The following CFAP161 variants were observed in gnomAD, a reference collection of about 807,000 sequenced individuals.
CFAP161 encodes cilia- and flagella-associated protein 161.
CFAP161 carries 25 observed loss-of-function variants against 29.0 expected under a neutral mutation model. That is an observed-to-expected ratio of 0.86 (90% CI 0.63 to 1.20). The LOEUF (loss-of-function observed/expected upper bound fraction) is 1.20, where lower values mean the gene tolerates loss of function less well. Among genes scored for constraint, CFAP161 ranks in the 50% most tolerant of loss-of-function variants. The pLI is 0.00. For missense variants in CFAP161, 367 were observed against 371.9 expected (o/e 0.99, Z 0.11); for synonymous variants, 116 against 137.4 (o/e 0.84, Z 1.09).
Position 81,148,358 on chromosome 15 carries a change from C to A in CFAP161, c.731C>A (p.Ala244Asp), listed in dbSNP as rs1167419179. ...LFLSTYFGKE[A>D]EVVAHTYLDS... The stretch of plus-strand genomic sequence containing the variant: ...TCCAGCACCTATTTTGGAAAGGAGG[C>A]TGAGGTTGTAGCTCACACATACCTG... Residue 244 changes from alanine to aspartate, a missense_variant, in exon 7 of 7, where the codon GCT becomes GAT. Coordinates refer to ENST00000286732, the MANE Select transcript of CFAP161 (RefSeq NM_173528.4). 6.2e-7 allele frequency: 1 copy of A among 1,611,922 alleles called. No homozygotes were observed. The highest frequency in any genetic ancestry group is 8.5e-7 in the Non-Finnish European group (1 of 1,178,164).
rs374112195 is a variant in CFAP161 at position 81,148,434 on chromosome 15, G to A, written c.807G>A (p.Gly269=). Reference sequence around the variant, plus strand: ...GGAACCACTGGATGTTGGTTACTGGGAATCCCAGGGATGCCTCGTCCTCCA... The same window carrying A: ...GGAACCACTGGATGTTGGTTACTGGAAATCCCAGGGATGCCTCGTCCTCCA... ...KPRNHWMLVT[G]NPRDASSSML... is the part of the protein sequence containing the mutation. Residue 269 remains glycine (G), a synonymous_variant, in exon 7 of 7, where the codon GGG becomes GGA. Transcript: ENST00000286732. 5.6e-6 allele frequency: 9 copies of A among 1,614,148 alleles called. No individual in the cohort carries two copies. Among genetic ancestry groups the A allele is most frequent in the Non-Finnish European group, 7.6e-6 (9 of 1,180,030 alleles).
intron 4 of CFAP161, among the ~76,000 whole-genome samples, chr15:81,141,053 T>C (rs1251907680): frequency 6.6e-6 from 1 of 152,234 alleles, no homozygotes; most frequent in East Asian, 1.9e-4. Flanking sequence ...ATAATGGTTA[T>C]TTTTTTCAAG....
intron 1 of CFAP161, among the ~76,000 whole-genome samples, chr15:81,122,525 C>G (rs1214647067): frequency 1.4e-5 from 2 of 140,662 alleles, no homozygotes; most frequent in Non-Finnish European, 3.1e-5. Flanking sequence ...GAATTTCACT[C>G]TTGTTGCCCA....
chr15:81,103,623 C>G (rs990258965), intron 1 of CFAP161, among the ~76,000 whole-genome samples: 2 of 152,228 alleles, frequency 1.3e-5, no homozygotes, highest in Non-Finnish European at 2.9e-5. Context: ...TCGCCATATG[C>G]ATTTCTTCAC....
At chr15:81,143,640 A>G (rs1485644679) in intron 4 of CFAP161, 22 bp from the exon 5 acceptor site, 11 of 1,603,830 alleles carry the variant, frequency 6.9e-6, no homozygotes, top group Middle Eastern at 1.7e-4. Flanking sequence ...GACTTAGTGC[A>G]TCTGCTTGCT....
At chr15:81,145,005 C>G (rs76484788) in intron 5 of CFAP161, among the ~76,000 whole-genome samples, 2,071 of 152,254 alleles carry the variant, frequency 0.014, 42 homozygotes, top group African/African-American at 0.045. Flanking sequence ...GTAGGCCTCC[C>G]TATTTCAAGG....
At chr15:81,112,654 A>G (rs2141863993) in intron 1 of CFAP161, among the ~76,000 whole-genome samples, 1 of 152,304 alleles carries the variant, frequency 6.6e-6, no homozygotes, top group South Asian at 2.1e-4. Flanking sequence ...TCAAGATCTT[A>G]GCTTTTATTT....
intron 4 of CFAP161, among the ~76,000 whole-genome samples, chr15:81,141,678 T>C (rs563920757): frequency 6.6e-6 from 1 of 151,728 alleles, no homozygotes; most frequent in African/African-American, 2.4e-5. Flanking sequence ...TTGAGACAGA[T>C]AGTATTTGCC....
At chr15:81,137,831 G>C (rs968443429) in intron 3 of CFAP161, among the ~76,000 whole-genome samples, 3 of 152,188 alleles carry the variant, frequency 2.0e-5, no homozygotes, top group Admixed American at 2.0e-4. Context: ...GGGATGCTTT[G>C]TGTGCTAGCT....
intron 1 of CFAP161, among the ~76,000 whole-genome samples, chr15:81,119,912 A>AAAT (rs34517889): frequency 0.57 from 86,497 of 151,414 alleles, 25,940 homozygotes; most frequent in Non-Finnish European, 0.68. Context: ...AAAAAAATAA[A>AAAT]AATTTAAAAA....
chr15:81,101,451 C>G (rs747115783), intron 1 of CFAP161, among the ~76,000 whole-genome samples: 3 of 130,130 alleles, frequency 2.3e-5, no homozygotes, highest in Non-Finnish European at 4.7e-5. Context: ...CACTTGAACC[C>G]GGGAGGTGGA....
intron 5 of CFAP161, among the ~76,000 whole-genome samples, chr15:81,145,697 A>G (rs1894995115): frequency 6.6e-6 from 1 of 152,198 alleles, no homozygotes; most frequent in African/African-American, 2.4e-5. Flanking sequence ...GCTACCTTGC[A>G]CATGTCAATG....
At chr15:81,134,896 C>A (rs2141877777) in intron 1 of CFAP161, among the ~76,000 whole-genome samples, 1 of 152,292 alleles carries the variant, frequency 6.6e-6, no homozygotes, top group Admixed American at 6.5e-5. Context: ...GTGGTCTTAA[C>A]AAGGCTTTGA....
chr15:81,122,027 C>G (rs1894580230), intron 1 of CFAP161, among the ~76,000 whole-genome samples: 1 of 152,236 alleles, frequency 6.6e-6, no homozygotes, highest in African/African-American at 2.4e-5. Flanking sequence ...CCACCCATGT[C>G]CCTGCAGAGG....
At chr15:81,143,533 C>A in intron 4 of CFAP161, 129 bp from the exon 5 acceptor site, 1 of 1,049,614 alleles carries the variant, frequency 9.5e-7, no homozygotes, top group Non-Finnish European at 1.4e-6. Context: ...CTTTCTCATA[C>A]AATCAGTAAG....
chr15:81,121,516 AC>A (rs370740256), intron 1 of CFAP161, among the ~76,000 whole-genome samples: 86,239 of 151,534 alleles, frequency 0.57, 25,872 homozygotes, highest in Non-Finnish European at 0.68. Flanking sequence ...CATCAAAAAC[AC>A]ATCTGACTTT....
chr15:81,107,367 AC>A (rs1381168057), intron 1 of CFAP161, among the ~76,000 whole-genome samples: 4 of 152,248 alleles, frequency 2.6e-5, no homozygotes, highest in Non-Finnish European at 4.4e-5. Context: ...CCCAAGGTTT[AC>A]ACAGCAGGTG....
At chr15:81,119,654 C>T (rs1467893798) in intron 1 of CFAP161, among the ~76,000 whole-genome samples, 1 of 152,230 alleles carries the variant, frequency 6.6e-6, no homozygotes, top group East Asian at 1.9e-4. Context: ...TTGGGGCTCT[C>T]TGGAGGCCCA....
At chr15:81,134,519 C>T in intron 1 of CFAP161, 121 bp downstream of exon 1, 1 of 970,250 alleles carries the variant, frequency 1.0e-6, no homozygotes, top group Non-Finnish European at 1.5e-6. Flanking sequence ...CAGCGAATAC[C>T]TCTAAAATCC....
Sources: allele counts gnomAD v4.1 joint callset (sites outside exome capture counted in the v4.1 genomes callset), GRCh38; gene constraint gnomAD v4.1.1; transcripts MANE v1.5; gene names NCBI Gene and HGNC (gene_info 2026-07-23, HGNC 2026-07-21).